The following NRG1 variants were observed in gnomAD, a reference collection of about 807,000 sequenced individuals.
NRG1 encodes the protein neuregulin 1.
In NRG1, 18 loss-of-function variants were observed where a neutral mutation model predicts 63.8. That is an observed-to-expected ratio of 0.28 (90% CI 0.19 to 0.42). The LOEUF (loss-of-function observed/expected upper bound fraction) is 0.42. Among genes scored for constraint, NRG1 ranks in the 10% least tolerant of loss-of-function variants. The pLI is 1.00. For synonymous variants in NRG1, 302 were observed against 301.3 expected, an observed-to-expected ratio of 1.00 and a Z score of -0.02; for missense variants, 762 against 814.7, an observed-to-expected ratio of 0.94 and a Z score of 0.79.
At chr8:32,520,954 C>T (rs1830279788) in intron 1 of NRG1, among the ~76,000 whole-genome samples, 1 of 152,130 alleles carries the variant, frequency 6.6e-6, no homozygotes, top group African/African-American at 2.4e-5. Flanking sequence ...TGTAGCAGTG[C>T]CTGTGTTTAA....
chr8:32,465,248 C>T (rs1822911788), intron 1 of NRG1, among the ~76,000 whole-genome samples: 1 of 152,142 alleles, frequency 6.6e-6, no homozygotes. Flanking sequence ...TGTGATTATG[C>T]AACCTGGGAA....
chr8:32,482,046 AAAAC>A, intron 1 of NRG1, among the ~76,000 whole-genome samples: 1 of 152,324 alleles, frequency 6.6e-6, no homozygotes, highest in Non-Finnish European at 1.5e-5. Flanking sequence ...TCTTTCTTTC[AAAAC>A]AAACAAATGA....
At chr8:31,675,276 G>A (rs1218186558) in intron 1 of NRG1, among the ~76,000 whole-genome samples, 1 of 152,194 alleles carries the variant, frequency 6.6e-6, no homozygotes, top group African/African-American at 2.4e-5. Context: ...TGGAGGTGGA[G>A]GTTGCAGTGA....
At chr8:32,339,426 G>C (rs577560782) in intron 1 of NRG1, among the ~76,000 whole-genome samples, 67 of 152,258 alleles carry the variant, frequency 4.4e-4, no homozygotes, top group Non-Finnish European at 8.1e-4. Flanking sequence ...AAATATAGTA[G>C]TGTGGACCTA....
At chr8:31,749,072 A>G (rs1563356877) in intron 1 of NRG1, among the ~76,000 whole-genome samples, 3 of 151,952 alleles carry the variant, frequency 2.0e-5, no homozygotes, top group Admixed American at 2.0e-4. Context: ...ATGCAGCATT[A>G]TGCAGCCATT....
chr8:32,141,678 C>T (rs1233936700), intron 1 of NRG1, among the ~76,000 whole-genome samples: 2 of 139,980 alleles, frequency 1.4e-5, no homozygotes, highest in Admixed American at 7.3e-5. Context: ...ATATTCACAA[C>T]TTTTCACTAA....
chr8:32,261,830 A>T (rs2129471634), intron 1 of NRG1, among the ~76,000 whole-genome samples: 1 of 152,300 alleles, frequency 6.6e-6, no homozygotes, highest in South Asian at 2.1e-4. Context: ...TGAATGTTAA[A>T]TGTGTTTTAA....
At chr8:31,871,527 G>A (rs1474021225) in intron 1 of NRG1, among the ~76,000 whole-genome samples, 1 of 151,934 alleles carries the variant, frequency 6.6e-6, no homozygotes, top group African/African-American at 2.4e-5. Context: ...GCCTGAGAGG[G>A]TCACTCCACC....
exon 1 of NRG1, chr8:32,548,615 C>T: frequency 7.2e-7 from 1 of 1,392,576 alleles, no homozygotes; most frequent in South Asian, 1.6e-5. Context: ...CTCAGCGCGG[C>T]CGCTCGCTCT....
At chr8:32,022,499 C>T (rs1432216181) in intron 1 of NRG1, among the ~76,000 whole-genome samples, 1 of 152,036 alleles carries the variant, frequency 6.6e-6, no homozygotes. Context: ...TATCAGAGAG[C>T]TCTATTAAGT....
intron 1 of NRG1, among the ~76,000 whole-genome samples, chr8:32,236,131 G>GTA (rs768682244): frequency 6.7e-6 from 1 of 149,206 alleles, no homozygotes; most frequent in Non-Finnish European, 1.5e-5. Context: ...GTGTGTGTAT[G>GTA]TGTGTGTGTG....
intron 1 of NRG1, among the ~76,000 whole-genome samples, chr8:31,810,194 C>G (rs1021101556): frequency 1.3e-5 from 2 of 152,122 alleles, no homozygotes; most frequent in African/African-American, 4.8e-5. Context: ...AGCTACATCC[C>G]TAATCCAAGT....
At chr8:31,734,376 T>G (rs914018228) in intron 1 of NRG1, among the ~76,000 whole-genome samples, 9 of 152,130 alleles carry the variant, frequency 5.9e-5, no homozygotes, top group African/African-American at 2.2e-4. Context: ...AGTGAGTCTG[T>G]CTCCTCCCTT....
At chr8:32,765,673 A>G (rs1313707431) in exon 12 of NRG1, 1 of 152,182 alleles carries the variant, frequency 6.6e-6, no homozygotes, top group Non-Finnish European at 1.5e-5. Context: ...ATCACAAGTA[A>G]TGATTCATCA....
upstream of NRG1, among the ~76,000 whole-genome samples, chr8:32,545,763 T>G (rs1736948040): frequency 6.6e-6 from 1 of 152,162 alleles, no homozygotes; most frequent in African/African-American, 2.4e-5. Flanking sequence ...GAAAAAAACC[T>G]TTTTGGACTG....
At chr8:32,139,490 G>A (rs1203665617) in intron 1 of NRG1, 6 of 152,180 alleles carry the variant, frequency 3.9e-5, no homozygotes, top group Non-Finnish European at 8.8e-5. Context: ...TTTGATCTCT[G>A]AAAAAGTAAT....
chr8:32,318,686 T>C (rs1255294159), intron 1 of NRG1, among the ~76,000 whole-genome samples: 2 of 152,238 alleles, frequency 1.3e-5, no homozygotes, highest in Non-Finnish European at 1.5e-5. Context: ...TCCACACTTA[T>C]GTACCAAAAC....
chr8:32,555,497 A>G (rs1834948874), intron 1 of NRG1, among the ~76,000 whole-genome samples: 1 of 152,082 alleles, frequency 6.6e-6, no homozygotes, highest in African/African-American at 2.4e-5. Context: ...TTTGAGACGG[A>G]GTCTCACTGT....
intron 5 of NRG1, among the ~76,000 whole-genome samples, chr8:32,653,135 TTG>T (rs1329056123): frequency 2.0e-5 from 3 of 151,726 alleles, no homozygotes; most frequent in Non-Finnish European, 2.9e-5. Flanking sequence ...TTTTTTTTGT[TTG>T]TTTGTTTGTT....
Sources: gnomAD v4.1 joint callset for allele counts (sites outside exome capture counted in the v4.1 genomes callset) on GRCh38, gnomAD v4.1.1 for gene constraint, MANE v1.5 for transcripts, NCBI Gene and HGNC (gene_info 2026-07-23, HGNC 2026-07-21) for gene names.